The following GSN variants were observed in gnomAD, a reference collection of about 807,000 sequenced individuals.
GSN encodes the protein actin-depolymerizing factor.
In GSN, 56 loss-of-function variants were observed where a neutral mutation model predicts 85.7. The ratio of observed to expected loss-of-function variants is 0.65; its 90% CI spans 0.53 to 0.82. GSN has a LOEUF of 0.82. Among genes scored for constraint, GSN ranks in the 40% least tolerant of loss-of-function variants. The pLI, the probability that GSN is intolerant of heterozygous loss-of-function variation, is 0.00. For missense variants in GSN, 857 were observed against 979.8 expected (o/e 0.87, Z 1.67); for synonymous variants, 373 against 399.1 (o/e 0.93, Z 0.78).
Position 121,261,385 on chromosome 9 carries a change from G to A in GSN, c.-340-3769G>A, listed in dbSNP as rs1347693486. Among the ~76,000 whole-genome samples, 1 of 152,262 alleles carries A rather than the reference G, an allele frequency of 6.6e-6. No individual in the cohort carries two copies. The highest frequency in any genetic ancestry group is 1.5e-5 in the Non-Finnish European group (1 of 68,046). ...GCCTGCGACAGCTTCCTCCTGCCCA[G>A]TGCCTTCATTCAGCCTGGCATGCTC... On this transcript the variant is annotated intron_variant, in intron 6 of 24. Coordinates refer to the GSN transcript ENST00000373823. This position sits in a 1 kb window ranked among gnomAD's most constrained non-coding sequence, Gnocchi z 4.1.
chr9:121,294,073 C>T (rs1055076969), intron 2 of GSN, among the ~76,000 whole-genome samples: 3 of 152,202 alleles, frequency 2.0e-5, no homozygotes, highest in African/African-American at 7.2e-5. Context: ...GTTTTTCTCC[C>T]TCTTGGAAAG....
In GSN at chr9:121,313,951, G is replaced by T. The variant is rs751321920; in HGVS notation, c.681G>T (p.Pro227=). 6.2e-7 allele frequency: 1 copy of T among 1,614,084 alleles called. No individual in the cohort carries two copies. Among genetic ancestry groups the T allele is most frequent in the Middle Eastern group, 1.6e-4 (1 of 6,062 alleles). Reference sequence around the variant, plus strand: ...TCCTACAGGTGCTGGGCCCCAAGCCGGCTCTGCCTGCAGGTACCGAGGACA... The same window carrying T: ...TCCTACAGGTGCTGGGCCCCAAGCCTGCTCTGCCTGCAGGTACCGAGGACA... ...EAMLQVLGPK[P]ALPAGTEDTA... The change falls in exon 7 of 18, where the codon CCG becomes CCT. Residue 227 remains proline, a synonymous_variant. Coordinates refer to ENST00000432226, the MANE Select transcript of GSN (RefSeq NM_198252.3).
At chr9:121,311,186 T>C (rs558815265) in intron 5 of GSN, 1 of 379,794 alleles carries the variant, frequency 2.6e-6, no homozygotes, top group South Asian at 2.4e-5. Context: ...TGCACCATCA[T>C]GAATGCCCAC....
chr9:121,253,332 G>T (rs1416528009), intron 6 of GSN, among the ~76,000 whole-genome samples: 1 of 152,198 alleles, frequency 6.6e-6, no homozygotes, highest in Non-Finnish European at 1.5e-5. Flanking sequence ...GTCCCTATCT[G>T]TTTGTAACAG....
At position 121,318,902 on chromosome 9, in the gene GSN, G is replaced by A; in HGVS notation, c.1191+22G>A. On this transcript the variant is annotated intron_variant, in intron 10 of 17. Coordinates refer to ENST00000432226, the MANE Select transcript of GSN (RefSeq NM_198252.3). The surrounding 1 kb of genome is among the most constrained non-coding windows in gnomAD (Gnocchi z 4.3). ...ACAGGTACGTTTAGGGCGTGGGGTGGGTGTGTCCAGGCCCCTCCCTCACTT... is the reference window on the plus strand; with the variant it reads ...ACAGGTACGTTTAGGGCGTGGGGTGAGTGTGTCCAGGCCCCTCCCTCACTT... 6.4e-7 allele frequency: 1 copy of A among 1,562,984 alleles called. No homozygotes were observed. Among genetic ancestry groups the A allele is most frequent in the Non-Finnish European group, 8.8e-7 (1 of 1,133,974 alleles).
At chr9:121,202,357 G>C in the GSN span, among the ~76,000 whole-genome samples, 1 of 152,100 alleles carries the variant, frequency 6.6e-6, no homozygotes, top group East Asian at 1.9e-4. Flanking sequence ...CGTATATACC[G>C]GTCCTGTCCA....
At chr9:121,321,044 G>A (rs1186764995) in intron 10 of GSN, among the ~76,000 whole-genome samples, 1 of 152,182 alleles carries the variant, frequency 6.6e-6, no homozygotes, top group Non-Finnish European at 1.5e-5. Context: ...GCTGGGGCAG[G>A]GCATGGTATG....
intron 2 of GSN, among the ~76,000 whole-genome samples, chr9:121,298,120 A>C (rs2059388352): frequency 6.6e-6 from 1 of 152,008 alleles, no homozygotes; most frequent in African/African-American, 2.4e-5. Context: ...AGACACCGAG[A>C]CAAAGTTCAG....
chr9:121,236,411 G>T (rs1352135881), intron 5 of GSN, among the ~76,000 whole-genome samples: 3 of 151,950 alleles, frequency 2.0e-5, no homozygotes, highest in African/African-American at 7.3e-5. Flanking sequence ...ATAGAGACAG[G>T]GTTTCACCAC....
the GSN span, among the ~76,000 whole-genome samples, chr9:121,202,200 G>T: frequency 6.6e-6 from 1 of 152,372 alleles, no homozygotes; most frequent in East Asian, 1.9e-4. Context: ...GTTGTCGCTC[G>T]TGGAGACTTT....
intron 4 of GSN, among the ~76,000 whole-genome samples, chr9:121,215,492 G>A (rs998550120): frequency 6.6e-6 from 1 of 151,984 alleles, no homozygotes; most frequent in Non-Finnish European, 1.5e-5. Flanking sequence ...TCAGGAGTTC[G>A]AGACCAGCCT....
intron 10 of GSN, among the ~76,000 whole-genome samples, chr9:121,319,256 G>A (rs905944505): frequency 5.9e-5 from 9 of 152,186 alleles, no homozygotes; most frequent in African/African-American, 2.2e-4. Context: ...GAGGAGTAGA[G>A]CTTTGCTGCC....
chr9:121,235,063 C>T lies in GSN; in HGVS notation c.-389+3760C>T, dbSNP rs538120598. 4.6e-5 allele frequency among the ~76,000 whole-genome samples: 7 copies of T among 152,256 alleles called. 1 individual carries two copies. The South Asian group carries it at 1.2e-3, about 27-fold the overall frequency. Reference sequence around the variant, plus strand: ...TGGGTAGGAATTCTCCAAGTTCTCTCGCAAGCCCCAGATATCACCATCCTT... The same window carrying T: ...TGGGTAGGAATTCTCCAAGTTCTCTTGCAAGCCCCAGATATCACCATCCTT... On this transcript the variant is annotated intron_variant, in intron 5 of 24. Coordinates refer to the GSN transcript ENST00000373823.
intron 5 of GSN, among the ~76,000 whole-genome samples, chr9:121,243,875 G>A (rs2054651768): frequency 6.6e-6 from 1 of 152,208 alleles, no homozygotes; most frequent in Non-Finnish European, 1.5e-5. Flanking sequence ...ACTGCACCTA[G>A]CCATATTTTT....
rs796232362 is a variant in GSN, at chr9:121,323,769, G to A, written c.1326-785G>A. Among the ~76,000 whole-genome samples the A allele has an allele frequency of 8.5e-5, 13 of 152,158 alleles. 1 individual carries two copies. In the South Asian group the frequency reaches 1.2e-3, roughly 15 times the overall value. On this transcript the variant is annotated intron_variant, in intron 11 of 17. Transcript: ENST00000432226. ...GTCTCTGAATCTATGGCAGTTGCCCGGTCTTTCCTTTTTTTCATGCCCTTA... is the reference window on the plus strand; with the variant it reads ...GTCTCTGAATCTATGGCAGTTGCCCAGTCTTTCCTTTTTTTCATGCCCTTA...
chr9:121,216,184 G>T (rs1268925248), intron 4 of GSN, among the ~76,000 whole-genome samples: 1 of 152,088 alleles, frequency 6.6e-6, no homozygotes, highest in African/African-American at 2.4e-5. Context: ...CTGACTTCAG[G>T]TGATCCACCT....
chr9:121,229,959 T>A (rs1387465526), intron 4 of GSN, among the ~76,000 whole-genome samples: 1 of 152,240 alleles, frequency 6.6e-6, no homozygotes, highest in African/African-American at 2.4e-5. Flanking sequence ...ATTCTTTTTT[T>A]ATACACTCAT....
At chr9:121,231,982 G>A (rs2054398367) in intron 5 of GSN, among the ~76,000 whole-genome samples, 1 of 152,124 alleles carries the variant, frequency 6.6e-6, no homozygotes, top group African/African-American at 2.4e-5. Flanking sequence ...CAGGAGAATT[G>A]CCTGAACCCA....
intron 14 of GSN, among the ~76,000 whole-genome samples, chr9:121,328,660 T>C (rs2063524353): frequency 1.3e-5 from 2 of 152,258 alleles, no homozygotes. Context: ...CTCAAGCCAA[T>C]AGTGGTCCTG....
Sources: gnomAD v4.1 joint callset for allele counts (sites outside exome capture counted in the v4.1 genomes callset) on GRCh38, gnomAD v4.1.1 for gene constraint, Gnocchi (gnomAD v3.1) non-coding constraint, MANE v1.5 for transcripts, NCBI Gene and HGNC (gene_info 2026-07-23, HGNC 2026-07-21) for gene names.